The following PTPRT variants were observed in gnomAD, a reference collection of about 807,000 sequenced individuals.
PTPRT encodes protein tyrosine phosphatase receptor type T.
PTPRT carries 56 observed loss-of-function variants against 176.8 expected under a neutral mutation model. That is an observed-to-expected ratio of 0.32 (90% CI 0.26 to 0.40). PTPRT has a LOEUF of 0.40. Among genes scored for constraint, PTPRT ranks in the 10% least tolerant of loss-of-function variants. PTPRT has a pLI of 1.00. For synonymous variants in PTPRT, 783 were observed against 739.0 expected (o/e 1.06, Z -0.96); for missense variants, 1,540 against 1,908.2 (o/e 0.81, Z 3.60).
chr20:42,353,676 G>A (rs1443670124), intron 9 of PTPRT, among the ~76,000 whole-genome samples: 1 of 152,206 alleles, frequency 6.6e-6, no homozygotes, highest in East Asian at 1.9e-4. Flanking sequence ...CACTTTGAGT[G>A]TCACATCTTG....
intron 1 of PTPRT, among the ~76,000 whole-genome samples, chr20:43,019,653 C>T (rs572981028): frequency 7.3e-5 from 11 of 151,610 alleles, no homozygotes; most frequent in Non-Finnish European, 1.5e-4. Flanking sequence ...TTGGACTGCC[C>T]CAGCTGTGTC....
intron 18 of PTPRT, among the ~76,000 whole-genome samples, chr20:42,131,763 A>G (rs1001190986): frequency 1.6e-4 from 24 of 152,256 alleles, no homozygotes; most frequent in African/African-American, 5.3e-4. Context: ...ATGCAGAAGC[A>G]AAACTTCCAA....
Position 42,448,081 on chromosome 20 carries a change from A to G in PTPRT, c.1560+139T>C, listed in dbSNP as rs2070764422. The G allele has an allele frequency of 4.2e-6, 3 of 711,318 alleles. No homozygotes were observed. In the African/African-American group the frequency reaches 5.3e-5, roughly 12 times the overall value. The allele number at this position is 711,318 out of a possible 1,614,324, so 44.1% of individuals were successfully genotyped here. ...CTGTGTGCCATTATGTTTGCACCCC[A>G]TTGTACTGTCAGAAACCTTTTGGTA... On this transcript the variant is annotated intron_variant, in intron 9 of 30. Coordinates refer to ENST00000373187, the MANE Select transcript of PTPRT (RefSeq NM_007050.6).
rs912429714 is a variant in PTPRT at position 42,077,887 on chromosome 20, A to C, written c.*2992T>G. 4 of 205,004 alleles carry C rather than the reference A, an allele frequency of 2.0e-5. No homozygotes were observed. Among genetic ancestry groups the C allele is most frequent in the Non-Finnish European group, 4.0e-5 (4 of 100,522 alleles). The allele number at this position is 205,004 out of a possible 1,614,324, so 12.7% of individuals were successfully genotyped here. A position where few individuals can be genotyped will look rare whatever the true frequency, so the allele number is the denominator to read the frequency against. On this transcript the variant is annotated 3_prime_UTR_variant, in exon 31 of 31. Transcript: ENST00000373187. Reference sequence around the variant, plus strand: ...CCTACCATTTAAAATGATAAAAGCCACTGTCTTTTGTATCTGCCAGCTATT... The same window carrying C: ...CCTACCATTTAAAATGATAAAAGCCCCTGTCTTTTGTATCTGCCAGCTATT...
At chr20:42,090,085 A>G (rs1984447954) in intron 27 of PTPRT, among the ~76,000 whole-genome samples, 1 of 152,130 alleles carries the variant, frequency 6.6e-6, no homozygotes, top group Non-Finnish European at 1.5e-5. Context: ...GCTTGGCTAC[A>G]TCTCTTAGCT....
At chr20:42,714,583 A>C (rs2146209502) in intron 6 of PTPRT, among the ~76,000 whole-genome samples, 1 of 152,344 alleles carries the variant, frequency 6.6e-6, no homozygotes, top group East Asian at 1.9e-4. Flanking sequence ...CTGGCACTTA[A>C]CTTGGTATCC....
chr20:42,217,945 G>T (rs2055811312), intron 15 of PTPRT, among the ~76,000 whole-genome samples: 1 of 152,160 alleles, frequency 6.6e-6, no homozygotes, highest in Non-Finnish European at 1.5e-5. Flanking sequence ...TTGTTTTATA[G>T]GTGAGGAATT....
intron 7 of PTPRT, among the ~76,000 whole-genome samples, chr20:42,499,190 T>G (rs2071706423): frequency 6.6e-6 from 1 of 152,182 alleles, no homozygotes; most frequent in African/African-American, 2.4e-5. Flanking sequence ...TGTGGCAATT[T>G]TGTGCAGTTA....
intron 2 of PTPRT, among the ~76,000 whole-genome samples, chr20:42,818,818 T>A (rs1055457972): frequency 1.3e-5 from 2 of 152,102 alleles, no homozygotes; most frequent in Admixed American, 6.6e-5. Context: ...AAGATCACCT[T>A]ACTAAAATAA....
chr20:42,299,824 T>C (rs1452724027), intron 12 of PTPRT, among the ~76,000 whole-genome samples: 1 of 151,726 alleles, frequency 6.6e-6, no homozygotes, highest in East Asian at 2.0e-4. Context: ...ATTTTTTGTA[T>C]TTTTAGTAGA....
intron 15 of PTPRT, among the ~76,000 whole-genome samples, chr20:42,206,989 C>T (rs961085523): frequency 1.4e-4 from 21 of 152,302 alleles, no homozygotes; most frequent in African/African-American, 4.6e-4. Context: ...TGACCCCTGA[C>T]CCCCGAGCAG....
At chr20:43,111,575 G>C (rs2012871363) in intron 1 of PTPRT, among the ~76,000 whole-genome samples, 1 of 149,920 alleles carries the variant, frequency 6.7e-6, no homozygotes, top group Non-Finnish European at 1.5e-5. Flanking sequence ...AAAAAGAATG[G>C]TTACATAATG....
At chr20:42,282,629 A>G in intron 12 of PTPRT, 104 bp from the exon 13 acceptor site, 2 of 841,426 alleles carry the variant, frequency 2.4e-6, no homozygotes, top group Non-Finnish European at 1.8e-6. Flanking sequence ...ATTCATGCAT[A>G]TGTATTTTTA....
chr20:42,124,738 T>G (rs1987770061), intron 19 of PTPRT, among the ~76,000 whole-genome samples: 1 of 152,062 alleles, frequency 6.6e-6, no homozygotes, highest in Admixed American at 6.6e-5. Context: ...CCCCAGGAAT[T>G]TTATCTTTGC....
chr20:42,852,274 T>G (rs941877369), intron 2 of PTPRT, among the ~76,000 whole-genome samples: 1 of 152,190 alleles, frequency 6.6e-6, no homozygotes, highest in African/African-American at 2.4e-5. Context: ...TTCAGAAACA[T>G]GATATTTTTC....
At chr20:42,661,771 T>C (rs1379187768) in intron 7 of PTPRT, among the ~76,000 whole-genome samples, 1 of 152,174 alleles carries the variant, frequency 6.6e-6, no homozygotes, top group Admixed American at 6.5e-5. Context: ...CTCAAGCCAA[T>C]AGTGGGTGGG....
At chr20:42,414,004 G>T (rs1015162725) in intron 9 of PTPRT, among the ~76,000 whole-genome samples, 6 of 152,076 alleles carry the variant, frequency 3.9e-5, no homozygotes, top group Non-Finnish European at 7.4e-5. Flanking sequence ...GCTAATTTTT[G>T]TATTTTTAGT....
intron 1 of PTPRT, among the ~76,000 whole-genome samples, chr20:42,936,559 T>C (rs146267418): frequency 6.6e-6 from 1 of 152,242 alleles, no homozygotes; most frequent in East Asian, 1.9e-4. Context: ...TCTTATAGCT[T>C]AACAAGTCTC....
chr20:42,621,959 G>A (rs2074205456), intron 7 of PTPRT, among the ~76,000 whole-genome samples: 1 of 152,158 alleles, frequency 6.6e-6, no homozygotes, highest in Non-Finnish European at 1.5e-5. Context: ...GAGGTGAAAT[G>A]AGAGAGGTCA....
Sources: allele counts gnomAD v4.1 joint callset (sites outside exome capture counted in the v4.1 genomes callset), GRCh38; gene constraint gnomAD v4.1.1; transcripts MANE v1.5; gene names NCBI Gene and HGNC (gene_info 2026-07-23, HGNC 2026-07-21).